Variants in THSD7A observed in about 807,000 individuals in gnomAD.
THSD7A encodes thrombospondin type 1 domain containing 7A.
THSD7A carries 96 observed loss-of-function variants against 231.3 expected under a neutral mutation model. The observed-to-expected ratio is 0.41, with a 90% CI of 0.35 to 0.49. The LOEUF is 0.49. Among genes scored for constraint, THSD7A ranks in the 20% least tolerant of loss-of-function variants. THSD7A has a pLI of 0.05. For synonymous variants in THSD7A, 940 were observed against 743.3 expected (o/e 1.26, Z -4.30); for missense variants, 2,290 against 2,070.2 (o/e 1.11, Z -2.06).
At chr7:11,531,402 T>C (rs1378006329) in intron 6 of THSD7A, among the ~76,000 whole-genome samples, 3 of 152,170 alleles carry the variant, frequency 2.0e-5, no homozygotes, top group Non-Finnish European at 1.5e-5. Flanking sequence ...TTAGTCAGAA[T>C]AAAAGCCAAA....
intron 4 of THSD7A, among the ~76,000 whole-genome samples, chr7:11,585,780 C>T (rs1779870395): frequency 6.6e-6 from 1 of 152,108 alleles, no homozygotes; most frequent in Admixed American, 6.5e-5. Flanking sequence ...CACACACCCA[C>T]ACTCACTCAG....
chr7:11,665,642 G>T (rs1783101358), intron 1 of THSD7A, among the ~76,000 whole-genome samples: 3 of 151,986 alleles, frequency 2.0e-5, no homozygotes, highest in African/African-American at 7.3e-5. Context: ...CCCTTTACTA[G>T]CGTGAGCTCT....
chr7:11,432,677 T>C (rs1784515922), intron 13 of THSD7A, among the ~76,000 whole-genome samples: 1 of 152,120 alleles, frequency 6.6e-6, no homozygotes, highest in Non-Finnish European at 1.5e-5. Context: ...AGCATTCTAT[T>C]GTGTGAATAT....
intron 17 of THSD7A, among the ~76,000 whole-genome samples, chr7:11,415,514 C>T (rs1783930299): frequency 6.6e-6 from 1 of 152,190 alleles, no homozygotes; most frequent in African/African-American, 2.4e-5. Context: ...AGAACAAAAA[C>T]AAGAGGAGAT....
chr7:11,572,039 A>G (rs187499836), intron 4 of THSD7A, among the ~76,000 whole-genome samples: 21 of 152,118 alleles, frequency 1.4e-4, no homozygotes, highest in African/African-American at 4.6e-4. Context: ...TCATTAATAC[A>G]TTTATTAGAC....
intron 17 of THSD7A, among the ~76,000 whole-genome samples, chr7:11,415,232 G>T (rs1309057466): frequency 6.6e-6 from 1 of 152,232 alleles, no homozygotes. Flanking sequence ...GGAAGCGTAA[G>T]CTTGGAGGCC....
intron 11 of THSD7A, among the ~76,000 whole-genome samples, chr7:11,449,387 T>C (rs2128295202): frequency 6.6e-6 from 1 of 152,136 alleles, no homozygotes; most frequent in East Asian, 1.9e-4. Flanking sequence ...TTTTTCAAGA[T>C]GCTCAGGTGA....
intron 1 of THSD7A, among the ~76,000 whole-genome samples, chr7:11,651,877 G>A (rs1012494852): frequency 6.6e-6 from 1 of 151,922 alleles, no homozygotes; most frequent in African/African-American, 2.4e-5. Flanking sequence ...ATCATCTGAT[G>A]ACATTATATT....
chr7:11,782,962 T>C (rs1783679358), intron 1 of THSD7A, among the ~76,000 whole-genome samples: 2 of 152,122 alleles, frequency 1.3e-5, no homozygotes, highest in South Asian at 4.1e-4. Context: ...TTTTGGTGAG[T>C]AATCCTGAAG....
rs762225066 is a variant in THSD7A at position 11,417,633 on chromosome 7, A to C, written c.3384-30T>G. 39 of 1,587,832 alleles carry C rather than the reference A, an allele frequency of 2.5e-5. No homozygotes were observed. The East Asian group carries it at 8.7e-4, about 36-fold the overall frequency. On this transcript the variant is annotated intron_variant, in intron 16 of 27. Transcript: ENST00000423059. Reference sequence around the variant, plus strand: ...AAAAGAACATAAACATATTCTAGAAAATATACATACATTCTAGAAGTAAAG... The same window carrying C: ...AAAAGAACATAAACATATTCTAGAACATATACATACATTCTAGAAGTAAAG...
At chr7:11,536,509 C>G (rs1376356454) in intron 6 of THSD7A, among the ~76,000 whole-genome samples, 1 of 152,098 alleles carries the variant, frequency 6.6e-6, no homozygotes, top group Non-Finnish European at 1.5e-5. Context: ...TGGAATTTGC[C>G]TCAAGTACAC....
chr7:11,687,427 C>A (rs1193884307), intron 1 of THSD7A, among the ~76,000 whole-genome samples: 1 of 151,876 alleles, frequency 6.6e-6, no homozygotes, highest in Non-Finnish European at 1.5e-5. Context: ...GAAACTGACA[C>A]ACACACACAC....
At chr7:11,387,336 A>G (rs1782789408) in intron 23 of THSD7A, among the ~76,000 whole-genome samples, 1 of 152,100 alleles carries the variant, frequency 6.6e-6, no homozygotes, top group South Asian at 2.1e-4. Context: ...GATTCTTCCT[A>G]TCCATGATCA....
intron 2 of THSD7A, among the ~76,000 whole-genome samples, chr7:11,596,632 A>G (rs1780369010): frequency 6.6e-6 from 1 of 152,176 alleles, no homozygotes; most frequent in South Asian, 2.1e-4. Context: ...GATTGAGGAG[A>G]TTAGTGCCAC....
chr7:11,820,941 T>G, intron 1 of THSD7A: 1 of 1,006,122 alleles, frequency 9.9e-7, no homozygotes, highest in East Asian at 2.4e-5. Context: ...ATCTCTCTCC[T>G]TATGTTTTTT....
At chr7:11,601,515 T>A (rs1562760479) in intron 2 of THSD7A, among the ~76,000 whole-genome samples, 1 of 152,110 alleles carries the variant, frequency 6.6e-6, no homozygotes, top group Non-Finnish European at 1.5e-5. Flanking sequence ...GACTGTAGGA[T>A]CACTTCAAGA....
chr7:11,520,600 T>A (rs543853067), intron 6 of THSD7A, among the ~76,000 whole-genome samples: 2 of 152,316 alleles, frequency 1.3e-5, no homozygotes, highest in East Asian at 3.9e-4. Flanking sequence ...TTGATTGATG[T>A]CATATTTACT....
intron 6 of THSD7A, among the ~76,000 whole-genome samples, chr7:11,513,024 T>C (rs1161522785): frequency 6.8e-6 from 1 of 147,696 alleles, no homozygotes; most frequent in African/African-American, 2.5e-5. Context: ...TGGATGAGAT[T>C]GGAGACTATT....
At chr7:11,706,166 C>T (rs1780757462) in intron 1 of THSD7A, among the ~76,000 whole-genome samples, 1 of 150,884 alleles carries the variant, frequency 6.6e-6, no homozygotes, top group Admixed American at 6.6e-5. Context: ...AGACATCATA[C>T]TTACATTAAT....
Sources: allele counts gnomAD v4.1 joint callset (sites outside exome capture counted in the v4.1 genomes callset), GRCh38; gene constraint gnomAD v4.1.1; transcripts MANE v1.5; gene names NCBI Gene and HGNC (gene_info 2026-07-23, HGNC 2026-07-21).